Variants in FBXL13 observed in about 807,000 individuals in gnomAD.
The protein encoded by FBXL13 is F-box and leucine-rich repeat protein 13.
In FBXL13, 67 loss-of-function variants were observed where a neutral mutation model predicts 83.6. That is an observed-to-expected ratio of 0.80 (90% CI 0.66 to 0.98). The LOEUF is 0.98. FBXL13 is among the 50% of genes least tolerant of loss of function. The probability of loss-of-function intolerance (pLI) is 0.00; values close to 1 mark genes in which losing one functional copy is unlikely to be tolerated. For synonymous variants in FBXL13, 272 were observed against 299.5 expected (o/e 0.91, Z 0.95); for missense variants, 822 against 866.5 (o/e 0.95, Z 0.64).
chr7:103,022,684 G>C (rs1050428152), intron 6 of FBXL13, among the ~76,000 whole-genome samples: 1 of 152,070 alleles, frequency 6.6e-6, no homozygotes, highest in African/African-American at 2.4e-5. Flanking sequence ...CAATATAGAT[G>C]CAAGACTTAA....
chr7:103,066,595 T>C (rs1798416876), intron 1 of FBXL13, among the ~76,000 whole-genome samples: 1 of 151,494 alleles, frequency 6.6e-6, no homozygotes, highest in Non-Finnish European at 1.5e-5. Flanking sequence ...AGGTTTTACC[T>C]TGTTAGCCAG....
At chr7:103,069,995 C>T (rs111512406) in intron 1 of FBXL13, among the ~76,000 whole-genome samples, 3,683 of 148,680 alleles carry the variant, frequency 0.025, 80 homozygotes, top group Admixed American at 0.04. Flanking sequence ...AGGAGAATGG[C>T]GTGAAGCCAG....
chr7:103,037,819 T>G (rs1381483383), intron 2 of FBXL13, among the ~76,000 whole-genome samples: 1 of 151,884 alleles, frequency 6.6e-6, no homozygotes, highest in East Asian at 1.9e-4. Flanking sequence ...AAAGAATATT[T>G]TTGGGCATGC....
At chr7:102,950,837 G>A (rs1398249795) in intron 8 of FBXL13, among the ~76,000 whole-genome samples, 6 of 152,154 alleles carry the variant, frequency 3.9e-5, no homozygotes, top group Admixed American at 3.9e-4. Context: ...ATTGGTGGTT[G>A]TCAGAAGCTA....
chr7:102,876,779 T>A (rs1437425283), intron 16 of FBXL13, among the ~76,000 whole-genome samples: 2 of 152,102 alleles, frequency 1.3e-5, no homozygotes, highest in East Asian at 3.9e-4. Context: ...TATCTTCCTA[T>A]ATCCCTCCTA....
At chr7:102,845,169 T>C (rs1436834787) in intron 17 of FBXL13, among the ~76,000 whole-genome samples, 2 of 152,110 alleles carry the variant, frequency 1.3e-5, no homozygotes, top group Non-Finnish European at 2.9e-5. Flanking sequence ...GGATGGGGAA[T>C]GGAGCAGAAA....
At chr7:103,056,379 C>G (rs1585591528) in intron 1 of FBXL13, among the ~76,000 whole-genome samples, 1 of 151,916 alleles carries the variant, frequency 6.6e-6, no homozygotes, top group East Asian at 1.9e-4. Flanking sequence ...GGGTAGATAC[C>G]CAATAGTGGG....
chr7:102,891,744 G>A (rs1811563623), intron 11 of FBXL13, among the ~76,000 whole-genome samples: 1 of 152,204 alleles, frequency 6.6e-6, no homozygotes, highest in African/African-American at 2.4e-5. Context: ...AGGAAGGCTT[G>A]CATGCTTGCC....
chr7:102,973,360 C>G, intron 6 of FBXL13: 1 of 663,132 alleles, frequency 1.5e-6, no homozygotes, highest in Non-Finnish European at 2.8e-6. Context: ...AGACACCTAC[C>G]CTGGCCGGAA....
At chr7:103,035,508 A>C (rs1347103104) in intron 2 of FBXL13, among the ~76,000 whole-genome samples, 1 of 152,212 alleles carries the variant, frequency 6.6e-6, no homozygotes, top group Non-Finnish European at 1.5e-5. Flanking sequence ...TGTTGACTTA[A>C]CAGATACCAA....
rs532510560 is a variant in FBXL13, at chr7:102,990,371, A to G, written c.496-22254T>C. 2.6e-5 allele frequency among the ~76,000 whole-genome samples: 4 copies of G among 152,348 alleles called. No homozygotes were observed. In the South Asian group the frequency reaches 8.3e-4, roughly 32 times the overall value. ...CAAGTGCTACTGAAAAAGCAAGACA[A>G]GAAGGGATCATAGGCAATCAGATTT... On this transcript the variant is annotated intron_variant, in intron 6 of 19. Coordinates refer to ENST00000313221, the Ensembl canonical transcript of FBXL13.
chr7:103,011,400 C>T (rs923010249), intron 6 of FBXL13, among the ~76,000 whole-genome samples: 4 of 151,748 alleles, frequency 2.6e-5, no homozygotes, highest in Admixed American at 2.0e-4. Flanking sequence ...TTTAGGAGGC[C>T]GAGGTGGGTG....
chr7:102,961,153 C>T (rs1825131103), intron 8 of FBXL13, among the ~76,000 whole-genome samples: 1 of 151,158 alleles, frequency 6.6e-6, no homozygotes, highest in Non-Finnish European at 1.5e-5. Context: ...GATACAAAAT[C>T]AATGCACAAA....
chr7:102,920,219 A>G (rs1225302035), intron 10 of FBXL13, among the ~76,000 whole-genome samples: 1 of 152,244 alleles, frequency 6.6e-6, no homozygotes, highest in Non-Finnish European at 1.5e-5. Flanking sequence ...ACTAATTAGA[A>G]TACACAACAG....
intron 6 of FBXL13, among the ~76,000 whole-genome samples, chr7:102,986,918 T>C (rs943285116): frequency 1.3e-5 from 2 of 148,292 alleles, no homozygotes; most frequent in African/African-American, 5.0e-5. Flanking sequence ...GAAAATGTGA[T>C]ACACACACAC....
intron 11 of FBXL13, among the ~76,000 whole-genome samples, chr7:102,893,535 G>A (rs1169867629): frequency 6.6e-6 from 1 of 152,184 alleles, no homozygotes; most frequent in Admixed American, 6.5e-5. Flanking sequence ...GGGAGGCCGA[G>A]ACGGGCGGAT....
intron 9 of FBXL13, 113 bp from the exon 11 acceptor site, chr7:102,926,487 T>C (rs1413560308): frequency 1.3e-6 from 1 of 746,778 alleles, no homozygotes. Flanking sequence ...ATGTAAGAGT[T>C]GGTTTCTTCA....
intron 11 of FBXL13, among the ~76,000 whole-genome samples, chr7:102,900,166 A>T (rs1372927763): frequency 6.6e-6 from 1 of 152,236 alleles, no homozygotes; most frequent in Non-Finnish European, 1.5e-5. Context: ...TTTCTAAGAA[A>T]TATAGTTAAA....
chr7:102,972,740 GATA>G (rs1029233163), intron 6 of FBXL13, among the ~76,000 whole-genome samples: 4 of 151,256 alleles, frequency 2.6e-5, no homozygotes, highest in African/African-American at 9.7e-5. Context: ...TAAATAAAAA[GATA>G]ATAAATAGTA....
Sources: allele counts gnomAD v4.1 joint callset (sites outside exome capture counted in the v4.1 genomes callset), GRCh38; gene constraint gnomAD v4.1.1; transcripts MANE v1.5; gene names NCBI Gene and HGNC (gene_info 2026-07-23, HGNC 2026-07-21).